ZNF385D: variants seen among roughly 807,000 people sequenced by gnomAD.
The protein encoded by ZNF385D is zinc finger protein 385D.
A neutral mutation model predicts 35.8 loss-of-function variants in ZNF385D; 15 were observed. The observed-to-expected ratio is 0.42, with a 90% confidence interval of 0.28 to 0.64. The LOEUF (loss-of-function observed/expected upper bound fraction) is 0.64. Among genes scored for constraint, ZNF385D ranks in the 30% least tolerant of loss-of-function variants. The pLI is 0.23. For missense variants in ZNF385D, 474 were observed against 494.6 expected, an observed-to-expected ratio of 0.96 and a Z score of 0.39; for synonymous variants, 212 against 186.8, an observed-to-expected ratio of 1.13 and a Z score of -1.10.
At chr3:22,045,226 G>A (rs771565110) in intron 3 of ZNF385D, among the ~76,000 whole-genome samples, 1 of 151,994 alleles carries the variant, frequency 6.6e-6, no homozygotes, top group Non-Finnish European at 1.5e-5. Context: ...ATAGATCCAG[G>A]TCTTATATTT....
chr3:22,279,036 A>T (rs1039080924), intron 2 of ZNF385D, among the ~76,000 whole-genome samples: 3 of 152,116 alleles, frequency 2.0e-5, no homozygotes, highest in Non-Finnish European at 2.9e-5. Flanking sequence ...TCCTACACAG[A>T]AATGTTACAC....
At chr3:21,464,724 C>T (rs1169037214) in intron 4 of ZNF385D, among the ~76,000 whole-genome samples, 1 of 66,636 alleles carries the variant, frequency 1.5e-5, no homozygotes, top group Admixed American at 1.6e-4. Flanking sequence ...TTATTTACAG[C>T]TGCCAAAAAA....
In ZNF385D at chr3:21,910,517, T is replaced by A. The variant is rs1370415126; in HGVS notation, c.326-245489A>T. Among the ~76,000 whole-genome samples the A allele has an allele frequency of 2.0e-5, 3 of 151,922 alleles. No individual in the cohort carries two copies. In the Admixed American group the frequency reaches 2.0e-4, roughly 10 times the overall value. ...GTAGAATTTACTACTTTCAGGAAAT[T>A]ATTAAAATTCTCATTTAAACACTAA... On this transcript the variant is annotated intron_variant, in intron 3 of 5. Coordinates refer to the ZNF385D transcript ENST00000494108.
In ZNF385D at chr3:22,162,552, T is replaced by C. The variant is rs551409195; in HGVS notation, c.325+6265A>G. On this transcript the variant is annotated intron_variant, in intron 3 of 5. Coordinates refer to the ZNF385D transcript ENST00000494108. ...AGCTCTGAGTTTACTTGAGAGATTTTTTATAGGCATAACAAGACAGCCCTA... is the reference window on the plus strand; with the variant it reads ...AGCTCTGAGTTTACTTGAGAGATTTCTTATAGGCATAACAAGACAGCCCTA... Among the ~76,000 whole-genome samples, 55 of 152,250 alleles carry C rather than the reference T, an allele frequency of 3.6e-4. 2 individuals carry two copies. In the South Asian group the frequency reaches 0.011, roughly 31 times the overall value.
chr3:21,938,648 T>C (rs1701372997), intron 3 of ZNF385D, among the ~76,000 whole-genome samples: 1 of 152,172 alleles, frequency 6.6e-6, no homozygotes, highest in South Asian at 2.1e-4. Context: ...GCCATGTCAG[T>C]CACACTGCTC....
intron 5 of ZNF385D, among the ~76,000 whole-genome samples, chr3:21,435,063 T>C (rs1193872793): frequency 6.6e-6 from 1 of 152,120 alleles, no homozygotes; most frequent in Non-Finnish European, 1.5e-5. Context: ...GACTTGGATA[T>C]AATAATCAGA....
Position 21,735,545 on chromosome 3 carries a change from C to T in ZNF385D, c.22+15350G>A, listed in dbSNP as rs936639592. ...TATAAAATTCTTCTATTGGATATTA[C>T]AAAATGCCTACACAGTCACCAGGAT... On this transcript the variant is annotated intron_variant, in intron 1 of 7. Transcript: ENST00000281523. 3.9e-5 allele frequency among the ~76,000 whole-genome samples: 6 copies of T among 152,086 alleles called. No homozygotes were observed. In the East Asian group the frequency reaches 1.2e-3, roughly 29 times the overall value.
chr3:22,188,414 A>G (rs1695786058), intron 2 of ZNF385D, among the ~76,000 whole-genome samples: 1 of 151,884 alleles, frequency 6.6e-6, no homozygotes, highest in African/African-American at 2.4e-5. Flanking sequence ...TTAGCAAGTT[A>G]TTGTGCGAAT....
intron 1 of ZNF385D, among the ~76,000 whole-genome samples, chr3:21,734,360 TTG>T (rs139809929): frequency 0.22 from 25,932 of 115,426 alleles, 2,468 homozygotes; most frequent in Admixed American, 0.37. Context: ...AAGATTTTTT[TTG>T]TTTTTCTTTT....
At chr3:22,268,365 G>T (rs1022439031) in intron 2 of ZNF385D, among the ~76,000 whole-genome samples, 3 of 151,918 alleles carry the variant, frequency 2.0e-5, no homozygotes, top group Non-Finnish European at 2.9e-5. Context: ...AATTATAAAT[G>T]TTATAGTACA....
chr3:21,629,721 C>A (rs1258624114), intron 2 of ZNF385D, among the ~76,000 whole-genome samples: 1 of 152,112 alleles, frequency 6.6e-6, no homozygotes, highest in Non-Finnish European at 1.5e-5. Flanking sequence ...CACTGGTTCC[C>A]ATGGTTTACC....
intron 3 of ZNF385D, among the ~76,000 whole-genome samples, chr3:22,019,034 CTTT>C (rs11380195): frequency 0.013 from 849 of 64,204 alleles, no homozygotes; most frequent in African/African-American, 0.056. Flanking sequence ...AGTTATTTAC[CTTT>C]TTTTTTTTTT....
At chr3:21,942,130 T>C (rs888556341) in intron 3 of ZNF385D, among the ~76,000 whole-genome samples, 1 of 152,228 alleles carries the variant, frequency 6.6e-6, no homozygotes, top group Non-Finnish European at 1.5e-5. Flanking sequence ...TTATGTCAAG[T>C]AACTGATAAG....
rs76554056 is a variant in ZNF385D, at chr3:21,947,129, A to G, written c.325+221688T>C. On this transcript the variant is annotated intron_variant, in intron 3 of 5. Transcript: ENST00000494108. Reference sequence around the variant, plus strand: ...ATAAATATTTCAGTTTGCACTCATGAAAGTTTGTAATAATTAATATACCAC... The same window carrying G: ...ATAAATATTTCAGTTTGCACTCATGGAAGTTTGTAATAATTAATATACCAC... Among the ~76,000 whole-genome samples, 1,305 of 152,330 alleles carry G rather than the reference A, an allele frequency of 8.6e-3. 33 individuals are homozygous for G. Among genetic ancestry groups the G allele is most frequent in the East Asian group, 0.078 (403 of 5,180 alleles).
intron 1 of ZNF385D, among the ~76,000 whole-genome samples, chr3:21,730,525 T>C (rs769706413): frequency 6.6e-6 from 1 of 152,300 alleles, no homozygotes; most frequent in East Asian, 1.9e-4. Flanking sequence ...TAATTCCACA[T>C]ACAGTTTAGA....
intron 3 of ZNF385D, among the ~76,000 whole-genome samples, chr3:22,047,427 A>T (rs1699070875): frequency 6.6e-6 from 1 of 152,034 alleles, no homozygotes; most frequent in South Asian, 2.1e-4. Flanking sequence ...GCCTCTAGTA[A>T]CCACTATTGT....
chr3:21,775,994 T>C (rs1337882787), intron 3 of ZNF385D, among the ~76,000 whole-genome samples: 3 of 151,822 alleles, frequency 2.0e-5, no homozygotes, highest in African/African-American at 7.2e-5. Flanking sequence ...TAGTTTAATA[T>C]ATTGTGATGT....
intron 3 of ZNF385D, among the ~76,000 whole-genome samples, chr3:22,138,199 C>T (rs1333281580): frequency 6.6e-6 from 1 of 152,118 alleles, no homozygotes; most frequent in African/African-American, 2.4e-5. Flanking sequence ...ATTCCATGCT[C>T]ATGGGTAGGA....
chr3:21,588,400 A>AT (rs1174709581), intron 2 of ZNF385D, among the ~76,000 whole-genome samples: 1 of 151,466 alleles, frequency 6.6e-6, no homozygotes, highest in East Asian at 1.9e-4. Flanking sequence ...ACAAATTCAT[A>AT]TTTTATGATT....
Sources: allele counts gnomAD v4.1 joint callset (sites outside exome capture counted in the v4.1 genomes callset), GRCh38; gene constraint gnomAD v4.1.1; transcripts MANE v1.5; gene names NCBI Gene and HGNC (gene_info 2026-07-23, HGNC 2026-07-21).